The following UHRF1 variants were observed in gnomAD, a reference collection of about 807,000 sequenced individuals.
UHRF1 encodes ubiquitin like with PHD and ring finger domains 1.
UHRF1 carries 9 observed loss-of-function variants against 96.5 expected under a neutral mutation model. That is an observed-to-expected ratio of 0.09 (90% CI 0.06 to 0.16). The LOEUF is 0.16. Among genes scored for constraint, UHRF1 ranks in the 10% least tolerant of loss-of-function variants. The pLI is 1.00. For missense variants in UHRF1, 626 were observed against 1,131.1 expected, an observed-to-expected ratio of 0.55 and a Z score of 6.40; for synonymous variants, 455 against 469.9, an observed-to-expected ratio of 0.97 and a Z score of 0.41.
Position 4,947,260 on chromosome 19 carries a change from G to A in UHRF1, c.1517+49G>A, listed in dbSNP as rs767306068. ...TTCCTTGCTGATGCATATCTGCCGA[G>A]TCTTGGTTCTGTTTTGGGCCTCATG... On this transcript the variant is annotated intron_variant, in intron 11 of 16. Coordinates refer to ENST00000650932, the MANE Select transcript of UHRF1 (RefSeq NM_001048201.3). 7 of 1,552,680 alleles carry A rather than the reference G, an allele frequency of 4.5e-6. No homozygotes were observed. In the South Asian group the frequency reaches 5.6e-5, roughly 12 times the overall value.
intron 2 of UHRF1, among the ~76,000 whole-genome samples, chr19:4,915,432 G>A (rs1002775347): frequency 6.6e-6 from 1 of 152,208 alleles, no homozygotes; most frequent in Admixed American, 6.5e-5. Flanking sequence ...AAACAGGTAT[G>A]GCGGGGCCCA....
intron 16 of UHRF1, among the ~76,000 whole-genome samples, chr19:4,957,878 G>A (rs1265687140): frequency 4.6e-5 from 7 of 152,128 alleles, no homozygotes; most frequent in Non-Finnish European, 7.4e-5. Context: ...TGGTTTCTCT[G>A]CTGCAACCTC....
rs761044540 is a variant in UHRF1 at position 4,954,367 on chromosome 19, G to A, written c.1836G>A (p.Leu612=). Residue 612 remains leucine (L), a synonymous_variant, in exon 14 of 17, where the codon CTG becomes CTA. Coordinates refer to ENST00000650932, the MANE Select transcript of UHRF1 (RefSeq NM_001048201.3). The surrounding 1 kb of genome is among the most constrained non-coding windows in gnomAD (Gnocchi z 5.9). The part of the protein sequence containing the change: ...GLTMQYPEGY[L]EALANREREK... ...TCCTGAAGTATCCAGAAGGCTACCT[G>A]GAAGCCCTGGCCAACCGAGAGCGAG... 5.6e-6 allele frequency: 9 copies of A among 1,612,862 alleles called. No individual in the cohort carries two copies. The East Asian group carries it at 2.0e-4, about 36-fold the overall frequency.
intron 2 of UHRF1, among the ~76,000 whole-genome samples, chr19:4,920,201 G>A (rs1330659017): frequency 2.6e-5 from 4 of 152,190 alleles, no homozygotes; most frequent in Admixed American, 6.5e-5. Flanking sequence ...GGAGGCTGAG[G>A]CAGGCAGATC....
intron 5 of UHRF1, 84 bp from the exon 6 acceptor site, chr19:4,941,444 C>G: frequency 9.3e-7 from 1 of 1,075,440 alleles, no homozygotes; most frequent in South Asian, 1.4e-5. Context: ...CCAGGCATCC[C>G]GAGAACCCGT....
rs17884843 is a variant in UHRF1, at chr19:4,954,456, C to T, written c.1925C>T (p.Thr642Met). ...GAGGGGGGCTTCGCGTCCCCCAGGA[C>T]GGGCAAGGGCAAGTGGAAGCGGAAG... ...QQEGGFASPRTGKGKWKRKSA... is the reference protein window; with the variant it reads ...QQEGGFASPRMGKGKWKRKSA... The change falls in exon 14 of 17, where the codon ACG (threonine) becomes ATG (methionine). Residue 642 changes from threonine (T) to methionine (M), a missense_variant. Around this residue, in one of 11 missense-constraint regions of UHRF1, gnomAD observed 90 missense variants for 94.7 expected, o/e 0.95. Transcript: ENST00000650932. This position sits in a 1 kb window ranked among gnomAD's most constrained non-coding sequence, Gnocchi z 5.9. 3.3e-5 allele frequency: 53 copies of T among 1,611,710 alleles called. No individual in the cohort carries two copies. Among genetic ancestry groups the T allele is most frequent in the Admixed American group, 3.0e-4 (18 of 59,818 alleles).
rs543779456 is a variant in UHRF1, at chr19:4,940,359, A to ATTTTTTT, written c.786-1151_786-1145dup. Among the ~76,000 whole-genome samples the ATTTTTTT allele has an allele frequency of 7.0e-3, 468 of 67,058 alleles. 32 individuals carry two copies. Among genetic ancestry groups the ATTTTTTT allele is most frequent in the Middle Eastern group, 0.033 (2 of 60 alleles). The allele number at this position is 67,058 out of a possible 152,430, so 44.0% of individuals were successfully genotyped here. On this transcript the variant is annotated intron_variant, in intron 5 of 16. Coordinates refer to ENST00000650932, the MANE Select transcript of UHRF1 (RefSeq NM_001048201.3). ...CATTGGATCAAGCGTTGCCTTTATG[A>ATTTTTTT]TTTTTTTTTTTTTTTTTTTTTTTTG...
intron 2 of UHRF1, among the ~76,000 whole-genome samples, chr19:4,919,643 C>T (rs762452976): frequency 3.9e-5 from 6 of 151,950 alleles, no homozygotes; most frequent in African/African-American, 7.2e-5. Flanking sequence ...TTGCCAAAAA[C>T]GGCAAGTGGG....
chr19:4,912,174 C>T (rs1037459920), intron 2 of UHRF1, among the ~76,000 whole-genome samples: 4 of 152,272 alleles, frequency 2.6e-5, no homozygotes, highest in Admixed American at 6.5e-5. Flanking sequence ...CGGGAGGAGG[C>T]GATCTGGAGA....
At chr19:4,940,736 G>A (rs934118440) in intron 5 of UHRF1, among the ~76,000 whole-genome samples, 6 of 151,172 alleles carry the variant, frequency 4.0e-5, no homozygotes, top group African/African-American at 9.7e-5. Flanking sequence ...GCAGTGGCAC[G>A]ATCTTGGCTC....
At chr19:4,927,433 T>A (rs561241618) in intron 2 of UHRF1, among the ~76,000 whole-genome samples, 1 of 151,554 alleles carries the variant, frequency 6.6e-6, no homozygotes, top group South Asian at 2.1e-4. Flanking sequence ...AGTCAGCCTT[T>A]ATCAGGTTCT....
intron 15 of UHRF1, among the ~76,000 whole-genome samples, chr19:4,956,423 C>T (rs1272080424): frequency 6.6e-6 from 1 of 152,238 alleles, no homozygotes; most frequent in Non-Finnish European, 1.5e-5. Flanking sequence ...GTGGTGCCAG[C>T]TGGTCATATC....
chr19:4,961,735 A>G lies in UHRF1; in HGVS notation c.*932A>G, dbSNP rs1368156147. The G allele has an allele frequency of 7.0e-6, 1 of 141,916 alleles. No individual in the cohort carries two copies. Among genetic ancestry groups the G allele is most frequent in the Non-Finnish European group, 1.6e-5 (1 of 62,882 alleles). The allele number at this position is 141,916 out of a possible 1,614,324, so 8.8% of individuals were successfully genotyped here. ...GAGCCTTATAGATCATTTACATTCA[A>G]TTTTTTTAACTCAGCAAGTGAGAAC... is the stretch of plus-strand genomic sequence containing the variant. On this transcript the variant is annotated 3_prime_UTR_variant, in exon 17 of 17. Transcript: ENST00000650932.
intron 2 of UHRF1, among the ~76,000 whole-genome samples, chr19:4,915,641 G>C (rs1214857423): frequency 6.6e-6 from 1 of 151,906 alleles, no homozygotes; most frequent in Non-Finnish European, 1.5e-5. Flanking sequence ...CCTGGGAGGT[G>C]GGAGGTTGCA....
intron 7 of UHRF1, among the ~76,000 whole-genome samples, chr19:4,943,495 G>GCC (rs368362097): frequency 0.032 from 4,231 of 132,388 alleles, 107 homozygotes; most frequent in East Asian, 0.053. Context: ...TTGTTGCCCT[G>GCC]CCCCCCCTCC....
At position 4,954,623 on chromosome 19, in the gene UHRF1, T is replaced by C. The variant is rs2033805257; in HGVS notation, c.1958-27T>C. The C allele has an allele frequency of 6.2e-7, 1 of 1,608,260 alleles. No individual in the cohort carries two copies. The highest frequency in any genetic ancestry group is 8.5e-7 in the Non-Finnish European group (1 of 1,177,152). On this transcript the variant is annotated intron_variant, in intron 14 of 16. Coordinates refer to ENST00000650932, the MANE Select transcript of UHRF1 (RefSeq NM_001048201.3). The surrounding 1 kb of genome is among the most constrained non-coding windows in gnomAD (Gnocchi z 5.9). ...TCCGGCAGCTCGGGCCACGCGCCCC[T>C]CCCTCACGCGCCCCACCCTCTTCCA...
Position 4,945,785 on chromosome 19 carries a change from G to A in UHRF1, c.1306-76G>A, listed in dbSNP as rs558244353. 37 of 1,276,178 alleles carry A rather than the reference G, an allele frequency of 2.9e-5. No individual in the cohort carries two copies. In the African/African-American group the frequency reaches 4.8e-4, roughly 16 times the overall value. The allele number at this position is 1,276,178 out of a possible 1,614,324, so 79.1% of individuals were successfully genotyped here. ...TGAGGCCGCTGGCTGCTCGGGGTAGGGAGGAGGAGGGCGGTGGAGCTTCTC... is the reference window on the plus strand; with the variant it reads ...TGAGGCCGCTGGCTGCTCGGGGTAGAGAGGAGGAGGGCGGTGGAGCTTCTC... On this transcript the variant is annotated intron_variant, in intron 9 of 16. Coordinates refer to ENST00000650932, the MANE Select transcript of UHRF1 (RefSeq NM_001048201.3).
intron 1 of UHRF1, chr19:4,910,612 A>C: frequency 2.7e-6 from 1 of 364,714 alleles, no homozygotes; most frequent in Non-Finnish European, 4.9e-6. Context: ...GATGGGTTGG[A>C]CCTTCTGCTT....
In UHRF1 at chr19:4,954,556, T is replaced by C. The variant is rs868324958; in HGVS notation, c.1957+68T>C. 6.9e-5 allele frequency: 110 copies of C among 1,583,956 alleles called. No individual in the cohort carries two copies. The Middle Eastern group carries it at 0.01, about 144-fold the overall frequency. ...GGAGCAGGTGGGCATCTCGCGGGTG[T>C]GGGGTTGAGGTCGTGTGGACGTGGG... is the stretch of plus-strand genomic sequence containing the variant. On this transcript the variant is annotated intron_variant, in intron 14 of 16. Coordinates refer to ENST00000650932, the MANE Select transcript of UHRF1 (RefSeq NM_001048201.3). This position sits in a 1 kb window ranked among gnomAD's most constrained non-coding sequence, Gnocchi z 5.9.
Sources: gnomAD v4.1 joint callset for allele counts (sites outside exome capture counted in the v4.1 genomes callset) on GRCh38, gnomAD v4.1.1 for gene constraint, gnomAD v4.1.1 regional missense constraint, Gnocchi (gnomAD v3.1) non-coding constraint, MANE v1.5 for transcripts, NCBI Gene and HGNC (gene_info 2026-07-23, HGNC 2026-07-21) for gene names.